Variants in CPNE4 observed in about 807,000 individuals in gnomAD.
CPNE4 encodes copine-4.
Under a neutral mutation model 67.9 loss-of-function variants are expected in CPNE4, and 25 were observed. The observed-to-expected ratio is 0.37, with a 90% CI of 0.27 to 0.51. CPNE4 has a LOEUF of 0.51. CPNE4 is among the 20% of genes least tolerant of loss of function. The pLI is 0.93. For missense variants in CPNE4, 464 were observed against 690.8 expected (o/e 0.67, Z 3.68); for synonymous variants, 242 against 244.9 (o/e 0.99, Z 0.11).
At chr3:131,904,546 A>T (rs2088673729) in intron 2 of CPNE4, among the ~76,000 whole-genome samples, 1 of 152,080 alleles carries the variant, frequency 6.6e-6, no homozygotes, top group Non-Finnish European at 1.5e-5. Context: ...AGCTCTGTCC[A>T]ACAGTCACCC....
At chr3:131,826,164 A>G (rs2085151393) in intron 2 of CPNE4, among the ~76,000 whole-genome samples, 2 of 152,136 alleles carry the variant, frequency 1.3e-5, no homozygotes, top group South Asian at 4.2e-4. Flanking sequence ...TATATTCTAA[A>G]ACATCAGGAC....
chr3:131,891,188 AC>A (rs1018101933), intron 2 of CPNE4, among the ~76,000 whole-genome samples: 1 of 152,102 alleles, frequency 6.6e-6, no homozygotes, highest in African/African-American at 2.4e-5. Context: ...TTGTGGTGAT[AC>A]CAGTATGAGT....
At chr3:131,956,526 T>C (rs2071977759) in intron 1 of CPNE4, among the ~76,000 whole-genome samples, 1 of 152,182 alleles carries the variant, frequency 6.6e-6, no homozygotes. Context: ...TTACTTGTAA[T>C]CCAGTAAAAT....
At chr3:131,931,185 T>C (rs1467039190) in intron 1 of CPNE4, among the ~76,000 whole-genome samples, 1 of 152,166 alleles carries the variant, frequency 6.6e-6, no homozygotes, top group African/African-American at 2.4e-5. Context: ...ACTGGCAGGA[T>C]CTTTTGCAAT....
At chr3:131,627,193 C>CAAAAAAAAAA (rs57977015) in intron 7 of CPNE4, among the ~76,000 whole-genome samples, 5 of 68,338 alleles carry the variant, frequency 7.3e-5, no homozygotes, top group East Asian at 4.2e-4. Context: ...GACTCCATCT[C>CAAAAAAAAAA]AAAAAAAAAA....
chr3:131,646,319 G>A (rs922403162), intron 7 of CPNE4, among the ~76,000 whole-genome samples: 24 of 152,124 alleles, frequency 1.6e-4, no homozygotes, highest in African/African-American at 5.5e-4. Flanking sequence ...TCATTGAAAT[G>A]ACCTACTCTG....
Position 131,828,508 on chromosome 3 carries a change from A to G in CPNE4, c.180+76756T>C, listed in dbSNP as rs2085252528. On this transcript the variant is annotated intron_variant, in intron 2 of 15. Coordinates refer to ENST00000429747, the MANE Select transcript of CPNE4 (RefSeq NM_130808.3). ...CTGAGTGTTGCCCCGTTGTATGAATATACCACCATTTGTCCATCCATTCTC... is the reference window on the plus strand; with the variant it reads ...CTGAGTGTTGCCCCGTTGTATGAATGTACCACCATTTGTCCATCCATTCTC... 3.9e-5 allele frequency among the ~76,000 whole-genome samples: 6 copies of G among 152,198 alleles called. No homozygotes were observed. In the South Asian group the frequency reaches 1.2e-3, roughly 32 times the overall value.
chr3:131,666,754 G>A (rs2080273551), intron 7 of CPNE4, among the ~76,000 whole-genome samples: 1 of 152,108 alleles, frequency 6.6e-6, no homozygotes, highest in Non-Finnish European at 1.5e-5. Context: ...TGTGAGAAAT[G>A]CTATGGGACA....
intron 1 of CPNE4, among the ~76,000 whole-genome samples, chr3:132,026,360 C>T (rs1003132758): frequency 6.6e-6 from 1 of 152,176 alleles, no homozygotes; most frequent in Admixed American, 6.5e-5. Flanking sequence ...TTACAAGGCA[C>T]ACAATGCAGG....
At chr3:131,768,000 A>G (rs547847134) in intron 2 of CPNE4, among the ~76,000 whole-genome samples, 7 of 152,100 alleles carry the variant, frequency 4.6e-5, no homozygotes, top group Non-Finnish European at 1.0e-4. Context: ...GATTATAAAA[A>G]GTAGCTCAAT....
intron 7 of CPNE4, among the ~76,000 whole-genome samples, chr3:131,644,846 CA>C (rs1243924353): frequency 6.6e-6 from 1 of 152,146 alleles, no homozygotes; most frequent in Admixed American, 6.5e-5. Context: ...ATCTAAAGTC[CA>C]AATGGCTTTC....
intron 2 of CPNE4, among the ~76,000 whole-genome samples, chr3:131,830,555 C>A (rs565621090): frequency 2.2e-4 from 34 of 152,112 alleles, no homozygotes; most frequent in Non-Finnish European, 4.1e-4. Context: ...CTCTTACTGG[C>A]GAGAGACTCT....
chr3:131,840,651 T>C (rs1226800914), intron 2 of CPNE4, among the ~76,000 whole-genome samples: 1 of 152,220 alleles, frequency 6.6e-6, no homozygotes, highest in Non-Finnish European at 1.5e-5. Flanking sequence ...GCTTATTAAC[T>C]AGCTTTTTGT....
chr3:132,008,434 T>G (rs548279891), intron 1 of CPNE4, among the ~76,000 whole-genome samples: 1 of 152,214 alleles, frequency 6.6e-6, no homozygotes, highest in African/African-American at 2.4e-5. Context: ...TGCCATAATA[T>G]AGCTATTATT....
At chr3:131,877,370 A>T (rs1369620768) in intron 2 of CPNE4, among the ~76,000 whole-genome samples, 1 of 152,208 alleles carries the variant, frequency 6.6e-6, no homozygotes, top group South Asian at 2.1e-4. Flanking sequence ...AAGGTAAGAA[A>T]GAATCTGGGC....
intron 5 of CPNE4, among the ~76,000 whole-genome samples, chr3:131,692,515 C>T (rs935395691): frequency 6.6e-6 from 1 of 152,152 alleles, no homozygotes; most frequent in Non-Finnish European, 1.5e-5. Context: ...AACTATGGCA[C>T]ATGAGCCAAA....
intron 2 of CPNE4, among the ~76,000 whole-genome samples, chr3:131,725,388 C>T (rs573690610): frequency 6.6e-6 from 1 of 152,128 alleles, no homozygotes; most frequent in African/African-American, 2.4e-5. Context: ...GATTATGTCC[C>T]CATCCAATAA....
At chr3:131,827,393 C>T (rs986664847) in intron 2 of CPNE4, among the ~76,000 whole-genome samples, 1 of 151,006 alleles carries the variant, frequency 6.6e-6, no homozygotes, top group African/African-American at 2.5e-5. Flanking sequence ...TTCATGGCTA[C>T]TCATGGGCAG....
chr3:131,759,401 C>T (rs1237216591), intron 2 of CPNE4, among the ~76,000 whole-genome samples: 1 of 152,148 alleles, frequency 6.6e-6, no homozygotes, highest in Non-Finnish European at 1.5e-5. Context: ...ATCTTCTATT[C>T]TTTTATTTAC....
Sources: allele counts gnomAD v4.1 joint callset (sites outside exome capture counted in the v4.1 genomes callset), GRCh38; gene constraint gnomAD v4.1.1; transcripts MANE v1.5; gene names NCBI Gene and HGNC (gene_info 2026-07-23, HGNC 2026-07-21).